The following KLHL18 variants were observed in gnomAD, a reference collection of about 807,000 sequenced individuals.
KLHL18 encodes the protein kelch like family member 18, also known as kelch-like protein 18.
A neutral mutation model predicts 58.5 loss-of-function variants in KLHL18; 38 were observed. The ratio of observed to expected loss-of-function variants is 0.65; its 90% CI spans 0.50 to 0.85. The LOEUF is 0.85. Ranked by LOEUF, KLHL18 falls within the 40% of genes least tolerant of loss-of-function variation. KLHL18 has a pLI of 0.00. For synonymous variants in KLHL18, 303 were observed against 301.9 expected, an observed-to-expected ratio of 1.00 and a Z score of -0.04; for missense variants, 624 against 778.4, an observed-to-expected ratio of 0.80 and a Z score of 2.36.
At chr3:47,303,949 G>A (rs1040536109) in intron 1 of KLHL18, among the ~76,000 whole-genome samples, 5 of 151,396 alleles carry the variant, frequency 3.3e-5, no homozygotes, top group African/African-American at 7.3e-5. Flanking sequence ...GGCTGGTCTC[G>A]AACTGCTAGC....
intron 2 of KLHL18, among the ~76,000 whole-genome samples, 170 bp downstream of exon 2, chr3:47,319,953 G>C (rs1703546921): frequency 6.6e-6 from 1 of 152,134 alleles, no homozygotes; most frequent in Non-Finnish European, 1.5e-5. Flanking sequence ...GTCTGAGATA[G>C]GGTTAAAATG....
intron 3 of KLHL18, 69 bp downstream of exon 3, chr3:47,322,777 T>C: frequency 2.1e-6 from 3 of 1,455,190 alleles, no homozygotes; most frequent in Non-Finnish European, 2.7e-6. Context: ...GCCAGTTTGC[T>C]GAGTTCTTGG....
At chr3:47,333,405 G>C (rs984416505) in intron 5 of KLHL18, 88 bp downstream of exon 5, 22 of 1,294,860 alleles carry the variant, frequency 1.7e-5, no homozygotes, top group Non-Finnish European at 1.7e-5. Context: ...TGGAAAGAAA[G>C]CATTTAGAGT....
rs1559506628 is a variant in KLHL18 at position 47,342,883 on chromosome 3, T to TG, written c.1338+53_1338+54insG. On this transcript the variant is annotated intron_variant, in intron 9 of 9. Coordinates refer to ENST00000232766, the MANE Select transcript of KLHL18 (RefSeq NM_025010.5). ...GGTACCTACTTCTGTCTTTGAGATT[T>TG]ATTTTAGAAGATCATTATTTGAAAA... 155 of 1,339,108 alleles carry TG rather than the reference T, an allele frequency of 1.2e-4. 2 individuals carry two copies. In the African/African-American group the frequency reaches 2.0e-3, roughly 17 times the overall value. 83.0% of individuals were successfully genotyped at this position (1,339,108 alleles called of 1,614,324 possible).
rs1413556710 is a variant in KLHL18 at position 47,339,508 on chromosome 3, GAAA to G, written c.1122-1062_1122-1060del. 2.1e-4 allele frequency among the ~76,000 whole-genome samples: 31 copies of G among 145,510 alleles called. No homozygotes were observed. The South Asian group carries it at 5.2e-3, about 25-fold the overall frequency. ...CTCATCTCAAAAAAAAAAAAAAAAA[GAAA>G]ATAACAAATGTAGAGTACCTAACAC... On this transcript the variant is annotated intron_variant, in intron 7 of 9. Transcript: ENST00000232766.
intron 1 of KLHL18, among the ~76,000 whole-genome samples, chr3:47,298,406 T>TAG (rs775740934): frequency 3.6e-4 from 55 of 150,864 alleles, no homozygotes; most frequent in Admixed American, 2.1e-3. Context: ...TGGATCTGAC[T>TAG]TGTAGGCAGT....
At chr3:47,316,260 C>T (rs1396153767) in intron 1 of KLHL18, among the ~76,000 whole-genome samples, 1 of 151,640 alleles carries the variant, frequency 6.6e-6, no homozygotes, top group Non-Finnish European at 1.5e-5. Context: ...AGAGAAAATC[C>T]TAAAGGCTTC....
intron 1 of KLHL18, among the ~76,000 whole-genome samples, chr3:47,307,084 T>G (rs760696115): frequency 6.6e-6 from 1 of 152,204 alleles, no homozygotes; most frequent in Non-Finnish European, 1.5e-5. Flanking sequence ...AACTTGTCTT[T>G]TTTTCGAGAT....
intron 1 of KLHL18, among the ~76,000 whole-genome samples, chr3:47,317,240 G>A (rs1161144465): frequency 2.6e-5 from 4 of 152,116 alleles, no homozygotes; most frequent in Non-Finnish European, 5.9e-5. Flanking sequence ...AGCACCTCGG[G>A]TAGCTGGAAT....
chr3:47,333,406 C>G, intron 5 of KLHL18, 89 bp downstream of exon 5: 1 of 1,276,644 alleles, frequency 7.8e-7, no homozygotes, highest in South Asian at 1.4e-5. Context: ...GGAAAGAAAG[C>G]ATTTAGAGTG....
rs1457962848 is a variant in KLHL18, at chr3:47,344,105, C to T, written c.*164C>T. The T allele has an allele frequency of 3.1e-5, 24 of 773,194 alleles. No individual in the cohort carries two copies. The highest frequency in any genetic ancestry group is 4.8e-5 in the Non-Finnish European group (24 of 495,666). The allele number at this position is 773,194 out of a possible 1,614,324, so 47.9% of individuals were successfully genotyped here. ...GCTTAAGCCCTCCCCCACTGTGCCACCCTTGTGACCTTCAGGCTTGGGTCA... is the reference window on the plus strand; with the variant it reads ...GCTTAAGCCCTCCCCCACTGTGCCATCCTTGTGACCTTCAGGCTTGGGTCA... On this transcript the variant is annotated 3_prime_UTR_variant, in exon 10 of 10. Coordinates refer to ENST00000232766, the MANE Select transcript of KLHL18 (RefSeq NM_025010.5).
chr3:47,309,764 G>A (rs1332300275), intron 1 of KLHL18, among the ~76,000 whole-genome samples: 6 of 152,330 alleles, frequency 3.9e-5, no homozygotes, highest in African/African-American at 1.2e-4. Flanking sequence ...TCGGGAGGCC[G>A]AGGCTGGCGG....
intron 1 of KLHL18, among the ~76,000 whole-genome samples, chr3:47,291,468 AAAGGGCCAGATAGTAAATACTT>A (rs1438588051): frequency 2.0e-5 from 3 of 152,238 alleles, no homozygotes; most frequent in African/African-American, 7.2e-5. Context: ...CATTTTCTGT[AAAGGGCCAGATAGTAAATACTT>A]AAGGATTCGT....
In KLHL18 at chr3:47,343,753, C is replaced by T. The variant is rs762221783; in HGVS notation, c.1537C>T (p.Arg513Cys). The change falls in exon 10 of 10, where the codon CGC becomes TGC. Residue 513 changes from arginine to cysteine, a missense_variant. Arg to Cys is a radical substitution (Grantham distance 180). Coordinates refer to ENST00000232766, the MANE Select transcript of KLHL18 (RefSeq NM_025010.5). ...QWCLIVPMHT[R>C]RSRVSLVASC... is the part of the protein sequence containing the mutation. ...GTGCCTGATTGTCCCCATGCACACG[C>T]GCAGGAGCCGGGTCTCCCTGGTGGC... 12 of 1,614,086 alleles carry T rather than the reference C, an allele frequency of 7.4e-6. No individual in the cohort carries two copies. In the South Asian group the frequency reaches 8.8e-5, roughly 12 times the overall value.
intron 8 of KLHL18, among the ~76,000 whole-genome samples, chr3:47,342,320 A>G (rs960267319): frequency 2.6e-5 from 4 of 152,198 alleles, no homozygotes; most frequent in South Asian, 4.1e-4. Context: ...AGCACTGACT[A>G]GGAAGCAAAC....
Position 47,331,754 on chromosome 3 carries a change from A to T in KLHL18, c.601-1403A>T, listed in dbSNP as rs1364751777. On this transcript the variant is annotated intron_variant, in intron 4 of 9. Coordinates refer to ENST00000232766, the MANE Select transcript of KLHL18 (RefSeq NM_025010.5). ...GGCCCGACCTTTTTTTTTTTTTTTTAAAGTGAGAGAAATTACAGCATATTT... is the reference window on the plus strand; with the variant it reads ...GGCCCGACCTTTTTTTTTTTTTTTTTAAGTGAGAGAAATTACAGCATATTT... 4.3e-3 allele frequency among the ~76,000 whole-genome samples: 614 copies of T among 142,634 alleles called. 6 individuals carry two copies. Among genetic ancestry groups the T allele is most frequent in the Non-Finnish European group, 3.3e-3 (218 of 66,690 alleles). The allele number at this position is 142,634 out of a possible 152,430, so 93.6% of individuals were successfully genotyped here. A position where few individuals can be genotyped will look rare whatever the true frequency, so the allele number is the denominator to read the frequency against.
At chr3:47,329,258 T>A (rs1193039177) in intron 3 of KLHL18, among the ~76,000 whole-genome samples, 1 of 152,158 alleles carries the variant, frequency 6.6e-6, no homozygotes, top group Non-Finnish European at 1.5e-5. Context: ...GACGGAGTCT[T>A]GCTCTGTCGC....
rs760849481 is a variant in KLHL18 at position 47,334,756 on chromosome 3, C to T, written c.835C>T (p.Arg279Trp). 1.3e-5 allele frequency: 21 copies of T among 1,614,168 alleles called. No homozygotes were observed. The highest frequency in any genetic ancestry group is 1.7e-5 in the Non-Finnish European group (20 of 1,180,024). Reference sequence around the variant, plus strand: ...GCCCCACCTGCCAGCTTTCAGAACCCGGCCACGCTGCTGCACATCCATCGC... The same window carrying T: ...GCCCCACCTGCCAGCTTTCAGAACCTGGCCACGCTGCTGCACATCCATCGC... ...RRPHLPAFRT[R>W]PRCCTSIAGL... is the part of the protein sequence containing the mutation. The change falls in exon 6 of 10, where the codon CGG (arginine) becomes TGG (tryptophan). Residue 279 changes from arginine (R) to tryptophan (W), a missense_variant. Coordinates refer to ENST00000232766, the MANE Select transcript of KLHL18 (RefSeq NM_025010.5). This position sits in a 1 kb window ranked among gnomAD's most constrained non-coding sequence, Gnocchi z 4.7.
At chr3:47,341,098 C>T (rs1704099695) in intron 8 of KLHL18, among the ~76,000 whole-genome samples, 1 of 152,064 alleles carries the variant, frequency 6.6e-6, no homozygotes, top group East Asian at 1.9e-4. Context: ...CTTGTCTTTC[C>T]ATAAGATATA....
Sources: allele counts gnomAD v4.1 joint callset (sites outside exome capture counted in the v4.1 genomes callset), GRCh38; gene constraint gnomAD v4.1.1; non-coding constraint Gnocchi (gnomAD v3.1); transcripts MANE v1.5; gene names NCBI Gene and HGNC (gene_info 2026-07-23, HGNC 2026-07-21).